SLC16A3: variants seen among roughly 807,000 people sequenced by gnomAD.
The protein encoded by SLC16A3 is monocarboxylate transporter 4.
In SLC16A3, 22 loss-of-function variants were observed where a neutral mutation model predicts 25.0. The observed-to-expected ratio is 0.88, with a 90% CI of 0.63 to 1.26. The LOEUF is 1.26. Among genes scored for constraint, SLC16A3 ranks in the 50% most tolerant of loss-of-function variants. SLC16A3 has a pLI of 0.00. For synonymous variants in SLC16A3, 390 were observed against 309.2 expected (o/e 1.26, Z -2.74); for missense variants, 731 against 666.6 (o/e 1.10, Z -1.06).
upstream of SLC16A3, chr17:82,228,426 A>T (rs929163200): frequency 6.6e-6 from 1 of 152,210 alleles, no homozygotes; most frequent in African/African-American, 2.4e-5. Context: ...ACGGAAGTTC[A>T]GGGAGGGCGA....
At chr17:82,221,170 C>T (rs1322634323) in intron 1 of SLC16A3, among the ~76,000 whole-genome samples, 1 of 152,098 alleles carries the variant, frequency 6.6e-6, no homozygotes, top group Non-Finnish European at 1.5e-5. Context: ...AACAAAGATA[C>T]AATTTTGTGC....
At chr17:82,219,978 G>A (rs920901680) in intron 1 of SLC16A3, among the ~76,000 whole-genome samples, 24 of 152,110 alleles carry the variant, frequency 1.6e-4, no homozygotes, top group African/African-American at 4.6e-4. Context: ...GCGAAAAAAC[G>A]CACTCCAGGA....
chr17:82,237,127 CT>C lies in SLC16A3; in HGVS notation c.368-8del. 1.3e-6 allele frequency: 2 copies of C among 1,497,586 alleles called. No homozygotes were observed. Among genetic ancestry groups the C allele is most frequent in the Admixed American group, 2.3e-5 (1 of 43,582 alleles). The allele number at this position is 1,497,586 out of a possible 1,614,324, so 92.8% of individuals were successfully genotyped here. A position where few individuals can be genotyped will look rare whatever the true frequency, so the allele number is the denominator to read the frequency against. ...CCTTGGGGGGCTCTCACCACATTCCCTTTCCTCCAGGGTTGGGTTTGGCACT... is the reference window on the plus strand; with the variant it reads ...CCTTGGGGGGCTCTCACCACATTCCCTTCCTCCAGGGTTGGGTTTGGCACT... On this transcript the variant is annotated splice_polypyrimidine_tract_variant and intron_variant, in intron 3 of 4. Transcript: ENST00000582743.
At position 82,238,717 on chromosome 17, in the gene SLC16A3, C is replaced by T. The variant is rs759112557; in HGVS notation, c.1139C>T (p.Ala380Val). Residue 380 changes from alanine (A) to valine (V), a missense_variant, in exon 5 of 5, where the codon GCG becomes GTG. Ala to Val is a moderately conservative substitution (Grantham distance 64, BLOSUM62 0). Coordinates refer to ENST00000582743, the MANE Select transcript of SLC16A3 (RefSeq NM_004207.4). Reference sequence around the variant, plus strand: ...CTTCCCGCAGGCAAACTCCTGGATGCGACCCACGTCTACATGTACGTGTTC... The same window carrying T: ...CTTCCCGCAGGCAAACTCCTGGATGTGACCCACGTCTACATGTACGTGTTC... ...GPPSGGKLLDATHVYMYVFIL... is the reference protein window; with the variant it reads ...GPPSGGKLLDVTHVYMYVFIL... The T allele has an allele frequency of 3.1e-6, 5 of 1,609,862 alleles. No individual in the cohort carries two copies. The highest frequency in any genetic ancestry group is 1.1e-5 in the South Asian group (1 of 90,492).
At chr17:82,234,088 C>T (rs1000220132) in intron 1 of SLC16A3, 4 of 152,232 alleles carry the variant, frequency 2.6e-5, no homozygotes, top group East Asian at 1.9e-4. Context: ...GATCCGCCCG[C>T]CTTGGCCCCC....
chr17:82,229,551 G>A (rs115358193), intron 1 of SLC16A3: 2 of 152,342 alleles, frequency 1.3e-5, no homozygotes, highest in Admixed American at 6.5e-5. Context: ...ACTTGCGCTC[G>A]GGCCGTGGCG....
upstream of SLC16A3, among the ~76,000 whole-genome samples, chr17:82,227,899 G>C (rs1301237866): frequency 6.6e-6 from 1 of 152,202 alleles, no homozygotes; most frequent in Non-Finnish European, 1.5e-5. Context: ...AGAACAGGCG[G>C]CCTTACTGGA....
chr17:82,236,396 C>T (rs564808212), intron 2 of SLC16A3, 165 bp downstream of exon 2: 18 of 701,520 alleles, frequency 2.6e-5, no homozygotes, highest in Admixed American at 7.9e-5. Context: ...ATGCTCTCCA[C>T]GGGGCCAACC....
In SLC16A3 at chr17:82,239,477, G is replaced by A. The variant is rs370020643; in HGVS notation, c.*501G>A. The A allele has an allele frequency of 1.2e-4, 21 of 168,886 alleles. No individual in the cohort carries two copies. The East Asian group carries it at 2.5e-3, about 20-fold the overall frequency. 10.5% of individuals were successfully genotyped at this position (168,886 alleles called of 1,614,324 possible). ...AAACCTGCGTGTGGGTGGAGTGTTA[G>A]GACCAACGGTTTCCTAGGAGTATGT... On this transcript the variant is annotated 3_prime_UTR_variant, in exon 5 of 5. Coordinates refer to ENST00000582743, the MANE Select transcript of SLC16A3 (RefSeq NM_004207.4).
Position 82,232,919 on chromosome 17 carries a change from G to GGGGC in SLC16A3, c.-26-3061_-26-3060insCGGG, listed in dbSNP as rs968039626. Among the ~76,000 whole-genome samples the GGGGC allele has an allele frequency of 6.8e-5, 3 of 44,306 alleles. 1 individual carries two copies. Among genetic ancestry groups the GGGGC allele is most frequent in the Admixed American group, 7.3e-4 (2 of 2,722 alleles). The allele number at this position is 44,306 out of a possible 152,430, so 29.1% of individuals were successfully genotyped here. ...GTTGGCATGCTTCCTGGGGGGCGGC[G>GGGGC]GGGGGGGGGTTGGTAAATGTCAGGG... On this transcript the variant is annotated intron_variant, in intron 1 of 4. Transcript: ENST00000582743.
In SLC16A3 at chr17:82,240,017, C is replaced by G. The variant is rs2050719755; in HGVS notation, c.*1041C>G. On this transcript the variant is annotated 3_prime_UTR_variant, in exon 5 of 5. Transcript: ENST00000582743. ...GGGCGCTGGGGACGGCAGCGGGTGC[C>G]CTGGCGGGCCGCGTGCAGCCGGAGA... 8.1e-7 allele frequency: 1 copy of G among 1,233,656 alleles called. No individual in the cohort carries two copies. Among genetic ancestry groups the G allele is most frequent in the Non-Finnish European group, 1.0e-6 (1 of 987,898 alleles). The allele number at this position is 1,233,656 out of a possible 1,614,324, so 76.4% of individuals were successfully genotyped here. A position where few individuals can be genotyped will look rare whatever the true frequency, so the allele number is the denominator to read the frequency against.
At chr17:82,232,906 C>T (rs1318202394) in intron 1 of SLC16A3, among the ~76,000 whole-genome samples, 2 of 29,024 alleles carry the variant, frequency 6.9e-5, no homozygotes, top group East Asian at 9.1e-3. Flanking sequence ...TGGCATGCTT[C>T]CTGGGGGGCG....
At chr17:82,234,346 G>C (rs924537394) in intron 1 of SLC16A3, 1 of 152,470 alleles carries the variant, frequency 6.6e-6, no homozygotes, top group African/African-American at 2.4e-5. Context: ...CAGGTGCAGA[G>C]GCAAAAGCTG....
In SLC16A3 at chr17:82,237,943, A is replaced by G. The variant is rs561092792; in HGVS notation, c.1123+50A>G. On this transcript the variant is annotated intron_variant, in intron 4 of 4. Coordinates refer to ENST00000582743, the MANE Select transcript of SLC16A3 (RefSeq NM_004207.4). ...TCCCCACACCTGCCCTTCCCGTCAG[A>G]CGCCCGCTTTGCGAGGGGGGGGACG... 3.2e-6 allele frequency: 5 copies of G among 1,570,856 alleles called. No homozygotes were observed. The Admixed American group carries it at 8.7e-5, about 27-fold the overall frequency.
At chr17:82,232,056 G>C (rs540221007) in intron 1 of SLC16A3, 3 of 152,420 alleles carry the variant, frequency 2.0e-5, no homozygotes, top group African/African-American at 7.2e-5. Flanking sequence ...CCCTCCCCCG[G>C]TGCAGCGCCC....
At chr17:82,226,096 T>G (rs1268490997), upstream of SLC16A3, among the ~76,000 whole-genome samples, 1 of 151,858 alleles carries the variant, frequency 6.6e-6, no homozygotes, top group Admixed American at 6.5e-5. Context: ...GGGAAGGACC[T>G]GGGGGCCAGG....
chr17:82,234,060 TCG>T (rs1396237711), intron 1 of SLC16A3: 1 of 151,862 alleles, frequency 6.6e-6, no homozygotes, highest in Non-Finnish European at 1.5e-5. Context: ...CAGGATGGTC[TCG>T]ATCTCCTGAC....
intron 1 of SLC16A3, among the ~76,000 whole-genome samples, chr17:82,220,040 C>A (rs2147105550): frequency 6.6e-6 from 1 of 152,286 alleles, no homozygotes; most frequent in African/African-American, 2.4e-5. Context: ...TGGGGGGGCT[C>A]TCAGGGCCAC....
At chr17:82,224,268 AC>A (rs568427694), upstream of SLC16A3, among the ~76,000 whole-genome samples, 7 of 39,732 alleles carry the variant, frequency 1.8e-4, no homozygotes, top group African/African-American at 7.9e-4. Flanking sequence ...GTGCAGACAC[AC>A]CCCTACACCC....
Sources: allele counts gnomAD v4.1 joint callset (sites outside exome capture counted in the v4.1 genomes callset), GRCh38; gene constraint gnomAD v4.1.1; transcripts MANE v1.5; gene names NCBI Gene and HGNC (gene_info 2026-07-23, HGNC 2026-07-21).